The following HOXD1 variants were observed in gnomAD, a reference collection of about 807,000 sequenced individuals.
HOXD1 encodes the protein homeobox D1, also known as homeobox protein Hox-D1.
Under a neutral mutation model 19.9 loss-of-function variants are expected in HOXD1, and 17 were observed. The ratio of observed to expected loss-of-function variants is 0.85; its 90% confidence interval spans 0.58 to 1.28. HOXD1 has a LOEUF of 1.28. HOXD1 is among the 50% of genes most tolerant of loss of function. The pLI is 0.00. For synonymous variants in HOXD1, 239 were observed against 216.0 expected (o/e 1.11, Z -0.93); for missense variants, 500 against 460.1 (o/e 1.09, Z -0.79).
rs1453807109 is a variant in HOXD1, at chr2:176,190,500, A to C, written c.*358A>C. ...TCTGTCAGCACTCTGATGTGCTCAG[A>C]AGAGCACCTGCCCAAAGTTTTTCTG... is the stretch of plus-strand genomic sequence containing the variant. On this transcript the variant is annotated 3_prime_UTR_variant, in exon 2 of 2. Coordinates refer to ENST00000331462, the MANE Select transcript of HOXD1 (RefSeq NM_024501.3). The C allele has an allele frequency of 4.3e-6, 1 of 233,668 alleles. No homozygotes were observed. Among genetic ancestry groups the C allele is most frequent in the Non-Finnish European group, 8.2e-6 (1 of 121,382 alleles). The allele number at this position is 233,668 out of a possible 1,614,324, so 14.5% of individuals were successfully genotyped here.
rs1268646551 is a variant in HOXD1, at chr2:176,190,846, A to G, written c.*704A>G. 1 of 152,652 alleles carries G rather than the reference A, an allele frequency of 6.6e-6. No homozygotes were observed. The highest frequency in any genetic ancestry group is 1.9e-4 in the East Asian group (1 of 5,198). The allele number at this position is 152,652 out of a possible 1,614,324, so 9.5% of individuals were successfully genotyped here. On this transcript the variant is annotated 3_prime_UTR_variant, in exon 2 of 2. Transcript: ENST00000331462. ...AAGATTTGCTTGCAATGACCTTATAAGTGACATTTAATGTCATAGCATGTA... is the reference window on the plus strand; with the variant it reads ...AAGATTTGCTTGCAATGACCTTATAGGTGACATTTAATGTCATAGCATGTA...
Position 176,188,884 on chromosome 2 carries a change from G to C in HOXD1, c.83G>C (p.Cys28Ser), listed in dbSNP as rs760677693. The C allele has an allele frequency of 1.3e-6, 2 of 1,597,298 alleles. No homozygotes were observed. Among genetic ancestry groups the C allele is most frequent in the Non-Finnish European group, 1.7e-6 (2 of 1,175,562 alleles). The change falls in exon 1 of 2, where the codon TGC becomes TCC. Residue 28 changes from cysteine to serine, a missense_variant. Coordinates refer to ENST00000331462, the MANE Select transcript of HOXD1 (RefSeq NM_024501.3). ...GDVLSLAPKF[C>S]RSDARPVALQ... ...GTGCTCAGCTTGGCACCCAAGTTCTGCCGCTCCGACGCCCGGCCCGTGGCT... is the reference window on the plus strand; with the variant it reads ...GTGCTCAGCTTGGCACCCAAGTTCTCCCGCTCCGACGCCCGGCCCGTGGCT...
chr2:176,188,859 G>T lies in HOXD1; in HGVS notation c.58G>T (p.Val20Leu), dbSNP rs754598967. ...CSSSGGVGGD[V>L]LSLAPKFCRS... is the part of the protein sequence containing the mutation. ...CAGCAGCGGCGGGGTCGGCGGCGAC[G>T]TGCTCAGCTTGGCACCCAAGTTCTG... Residue 20 changes from valine to leucine, a missense_variant, in exon 1 of 2, where the codon GTG becomes TTG. Transcript: ENST00000331462. 1.9e-6 allele frequency: 3 copies of T among 1,603,936 alleles called. No individual in the cohort carries two copies. Among genetic ancestry groups the T allele is most frequent in the Middle Eastern group, 1.7e-4 (1 of 6,020 alleles).
chr2:176,189,467 C>G lies in HOXD1; in HGVS notation c.652+14C>G, dbSNP rs1369088528. On this transcript the variant is annotated intron_variant, in intron 1 of 1. Coordinates refer to ENST00000331462, the MANE Select transcript of HOXD1 (RefSeq NM_024501.3). The stretch of plus-strand genomic sequence containing the variant: ...CCTCTAAGAAAGGTAAGTCCGCGGG[C>G]CTTGGATGGGGCCACCTGGGGTTGG... The G allele has an allele frequency of 6.2e-7, 1 of 1,611,692 alleles. No individual in the cohort carries two copies. Among genetic ancestry groups the G allele is most frequent in the Non-Finnish European group, 8.5e-7 (1 of 1,179,088 alleles).
In HOXD1 at chr2:176,190,094, G is replaced by A. The variant is rs1559155227; in HGVS notation, c.939G>A (p.Lys313=). The A allele has an allele frequency of 6.2e-7, 1 of 1,613,694 alleles. No homozygotes were observed. The highest frequency in any genetic ancestry group is 8.5e-7 in the Non-Finnish European group (1 of 1,179,784). The change falls in exon 2 of 2, where the codon AAG becomes AAA. Residue 313 remains lysine, a synonymous_variant. Transcript: ENST00000331462. ...CCCTCTCTGGAACAACCCCCACTAAGTTTATCAAGAACCCCGGCAGCCCTT... is the reference window on the plus strand; with the variant it reads ...CCCTCTCTGGAACAACCCCCACTAAATTTATCAAGAACCCCGGCAGCCCTT... ...QLPLSGTTPT[K]FIKNPGSPSQ...
Position 176,190,514 on chromosome 2 carries a change from A to G in HOXD1, c.*372A>G, listed in dbSNP as rs556404052. The G allele has an allele frequency of 7.0e-4, 144 of 206,824 alleles. No homozygotes were observed. The highest frequency in any genetic ancestry group is 8.6e-5 in the Non-Finnish European group (9 of 104,352). The allele number at this position is 206,824 out of a possible 1,614,324, so 12.8% of individuals were successfully genotyped here. On this transcript the variant is annotated 3_prime_UTR_variant, in exon 2 of 2. Coordinates refer to ENST00000331462, the MANE Select transcript of HOXD1 (RefSeq NM_024501.3). ...GATGTGCTCAGAAGAGCACCTGCCC[A>G]AAGTTTTTCTGGTTTTAATTTAAAG...
At position 176,190,266 on chromosome 2, in the gene HOXD1, T is replaced by C. The variant is rs1691768423; in HGVS notation, c.*124T>C. On this transcript the variant is annotated 3_prime_UTR_variant, in exon 2 of 2. Transcript: ENST00000331462. ...GAACAAAAATGAATAGGGATTTCAC[T>C]TGGGAAATGAAGTACTTTAGTTGGC... The C allele has an allele frequency of 1.5e-6, 1 of 660,562 alleles. No homozygotes were observed. Among genetic ancestry groups the C allele is most frequent in the Non-Finnish European group, 2.7e-6 (1 of 376,252 alleles). 40.9% of individuals were successfully genotyped at this position (660,562 alleles called of 1,614,324 possible). A position where few individuals can be genotyped will look rare whatever the true frequency, so the allele number is the denominator to read the frequency against.
rs747605973 is a variant in HOXD1 at position 176,188,935 on chromosome 2, A to C, written c.134A>C (p.Asn45Thr). 1 of 1,560,960 alleles carries C rather than the reference A, an allele frequency of 6.4e-7. No homozygotes were observed. Among genetic ancestry groups the C allele is most frequent in the Non-Finnish European group, 8.6e-7 (1 of 1,161,714 alleles). Residue 45 changes from asparagine (N) to threonine (T), a missense_variant, in exon 1 of 2, where the codon AAC becomes ACC. By Grantham distance (65) the Asn-to-Thr change is moderately conservative. Transcript: ENST00000331462. ...CTGCAGCCCGCCTTCCCTCTGGGCA[A>C]CGGCGACGGCGCCTTCGTCAGCTGT... ...VALQPAFPLG[N>T]GDGAFVSCLP...
chr2:176,189,118 A>T lies in HOXD1; in HGVS notation c.317A>T (p.Tyr106Phe). 1 of 1,555,866 alleles carries T rather than the reference A, an allele frequency of 6.4e-7. No homozygotes were observed. The highest frequency in any genetic ancestry group is 8.6e-7 in the Non-Finnish European group (1 of 1,157,948). Residue 106 changes from tyrosine to phenylalanine, a missense_variant, in exon 1 of 2, where the codon TAC (tyrosine) becomes TTC (phenylalanine). Tyr to Phe is a conservative substitution (Grantham distance 22). Coordinates refer to ENST00000331462, the MANE Select transcript of HOXD1 (RefSeq NM_024501.3). The part of the protein sequence containing the change: ...APAAAAGGAD[Y>F]GFLGSGPAYD... ...GCCGCGGCAGCTGGGGGCGCGGACT[A>T]CGGCTTCCTGGGGTCCGGGCCGGCG...
At position 176,190,822 on chromosome 2, in the gene HOXD1, AG is replaced by A. The variant is rs1252751844; in HGVS notation, c.*681del. ...TATACAGTATGTATATTTTTTAAAA[AG>A]ATTTGCTTGCAATGACCTTATAAGT... On this transcript the variant is annotated 3_prime_UTR_variant, in exon 2 of 2. Transcript: ENST00000331462. The A allele has an allele frequency of 6.6e-6, 1 of 152,648 alleles. No individual in the cohort carries two copies. The highest frequency in any genetic ancestry group is 1.5e-5 in the Non-Finnish European group (1 of 68,046). 9.5% of individuals were successfully genotyped at this position (152,648 alleles called of 1,614,324 possible).
chr2:176,190,271 A>G lies in HOXD1; in HGVS notation c.*129A>G. On this transcript the variant is annotated 3_prime_UTR_variant, in exon 2 of 2. Transcript: ENST00000331462. ...AAAATGAATAGGGATTTCACTTGGGAAATGAAGTACTTTAGTTGGCTTCCG... is the reference window on the plus strand; with the variant it reads ...AAAATGAATAGGGATTTCACTTGGGGAATGAAGTACTTTAGTTGGCTTCCG... The G allele has an allele frequency of 1.5e-6, 1 of 648,182 alleles. No individual in the cohort carries two copies. Among genetic ancestry groups the G allele is most frequent in the Admixed American group, 2.9e-5 (1 of 34,684 alleles). The allele number at this position is 648,182 out of a possible 1,614,324, so 40.2% of individuals were successfully genotyped here.
Position 176,189,096 on chromosome 2 carries a change from G to T in HOXD1, c.295G>T (p.Ala99Ser). ...CTACGAACCTGGTGCCGCACCTGCC[G>T]CGGCAGCTGGGGGCGCGGACTACGG... ...GAYEPGAAPAAAAGGADYGFL... is the reference protein window; with the variant it reads ...GAYEPGAAPASAAGGADYGFL... The change falls in exon 1 of 2, where the codon GCG becomes TCG. Residue 99 changes from alanine (A) to serine (S), a missense_variant. Physicochemically the swap from Ala to Ser is moderately conservative, Grantham distance 99. Coordinates refer to ENST00000331462, the MANE Select transcript of HOXD1 (RefSeq NM_024501.3). 1.3e-6 allele frequency: 2 copies of T among 1,517,836 alleles called. 1 individual carries two copies. Among genetic ancestry groups the T allele is most frequent in the Admixed American group, 4.1e-5 (2 of 48,250 alleles). 94.0% of individuals were successfully genotyped at this position (1,517,836 alleles called of 1,614,324 possible).
chr2:176,189,483 C>T (rs1691746850), intron 1 of HOXD1, 30 bp downstream of exon 1: 2 of 1,612,350 alleles, frequency 1.2e-6, no homozygotes, highest in Non-Finnish European at 1.7e-6. Flanking sequence ...ATGGGGCCAC[C>T]TGGGGTTGGG....
Position 176,190,254 on chromosome 2 carries a change from T to C in HOXD1, c.*112T>C, listed in dbSNP as rs1229371540. ...ATGGAGGTGGGAGAACAAAAATGAA[T>C]AGGGATTTCACTTGGGAAATGAAGT... On this transcript the variant is annotated 3_prime_UTR_variant, in exon 2 of 2. Transcript: ENST00000331462. The C allele has an allele frequency of 7.2e-6, 5 of 691,454 alleles. No homozygotes were observed. The African/African-American group carries it at 7.3e-5, about 10-fold the overall frequency. 42.8% of individuals were successfully genotyped at this position (691,454 alleles called of 1,614,324 possible). A position where few individuals can be genotyped will look rare whatever the true frequency, so the allele number is the denominator to read the frequency against.
intron 1 of HOXD1, 88 bp downstream of exon 1, chr2:176,189,541 C>T: frequency 1.9e-6 from 3 of 1,605,734 alleles, no homozygotes; most frequent in Non-Finnish European, 2.5e-6. Flanking sequence ...GTGTCGCTGC[C>T]TTTCCAGACA....
rs1691730140 is a variant in HOXD1 at position 176,189,016 on chromosome 2, C to T, written c.215C>T (p.Pro72Leu). The T allele has an allele frequency of 1.5e-5, 21 of 1,414,224 alleles. No individual in the cohort carries two copies. Among genetic ancestry groups the T allele is most frequent in the Non-Finnish European group, 1.9e-5 (21 of 1,098,978 alleles). The allele number at this position is 1,414,224 out of a possible 1,614,324, so 87.6% of individuals were successfully genotyped here. A position where few individuals can be genotyped will look rare whatever the true frequency, so the allele number is the denominator to read the frequency against. The change falls in exon 1 of 2, where the codon CCG becomes CTG. Residue 72 changes from proline to leucine, a missense_variant. Transcript: ENST00000331462. The part of the protein sequence containing the change: ...SPSPPAAPAR[P>L]SVPPPAAPQY... ...TCGCCCCCGGCCGCCCCCGCGCGGC[C>T]GTCCGTACCGCCTCCGGCCGCGCCC...
chr2:176,190,258 G>T lies in HOXD1; in HGVS notation c.*116G>T, dbSNP rs1208844467. 7.4e-6 allele frequency: 5 copies of T among 674,990 alleles called. No individual in the cohort carries two copies. In the East Asian group the frequency reaches 1.3e-4, roughly 18 times the overall value. 41.8% of individuals were successfully genotyped at this position (674,990 alleles called of 1,614,324 possible). On this transcript the variant is annotated 3_prime_UTR_variant, in exon 2 of 2. Coordinates refer to ENST00000331462, the MANE Select transcript of HOXD1 (RefSeq NM_024501.3). ...AGGTGGGAGAACAAAAATGAATAGG[G>T]ATTTCACTTGGGAAATGAAGTACTT...
rs1253888137 is a variant in HOXD1, at chr2:176,189,176, C to A, written c.375C>A (p.Ala125=). The A allele has an allele frequency of 1.3e-6, 2 of 1,561,462 alleles. No homozygotes were observed. The highest frequency in any genetic ancestry group is 2.4e-5 in the South Asian group (2 of 83,246). The change falls in exon 1 of 2, where the codon GCC becomes GCA. Residue 125 remains alanine (A), a synonymous_variant. Transcript: ENST00000331462. ...TCCCGGGCGTGCTGGGGCGGGCGGC[C>A]GACGACGGCGGGTCTCACGTCCACT... ...YDFPGVLGRA[A]DDGGSHVHYA... is the part of the protein sequence containing the mutation.
intron 1 of HOXD1, 111 bp from the exon 2 acceptor site, chr2:176,189,697 C>T: frequency 6.2e-7 from 1 of 1,609,194 alleles, no homozygotes; most frequent in Non-Finnish European, 8.5e-7. Context: ...AATTCTGTTC[C>T]TAGGGACCCA....
Sources: allele counts gnomAD v4.1 joint callset, GRCh38; gene constraint gnomAD v4.1.1; transcripts MANE v1.5; gene names NCBI Gene and HGNC (gene_info 2026-07-23, HGNC 2026-07-21).